The following DAPL1 variants were observed in gnomAD, a reference collection of about 807,000 sequenced individuals.
DAPL1 encodes the protein death associated protein like 1.
Under a neutral mutation model 12.9 loss-of-function variants are expected in DAPL1, and 17 were observed. The ratio of observed to expected loss-of-function variants is 1.32; its 90% confidence interval spans 0.90 to 1.98. The LOEUF (loss-of-function observed/expected upper bound fraction) is 1.98. DAPL1 is among the 30% of genes most tolerant of loss of function. The probability of loss-of-function intolerance (pLI) is 0.00; values close to 1 mark genes in which losing one functional copy is unlikely to be tolerated. For synonymous variants in DAPL1, 51 were observed against 42.0 expected (o/e 1.21, Z -0.82); for missense variants, 157 against 125.7 (o/e 1.25, Z -1.19).
At chr2:158,807,799 CA>C (rs2059210215) in intron 3 of DAPL1, 2 of 152,382 alleles carry the variant, frequency 1.3e-5, no homozygotes, top group Admixed American at 1.3e-4. Context: ...AGGCATGTAC[CA>C]CCACCCCCAG....
intron 3 of DAPL1, 107 bp from the exon 4 acceptor site, chr2:158,815,598 C>A: frequency 1.3e-6 from 1 of 774,788 alleles, no homozygotes. Context: ...AATAAATAAA[C>A]AAAATTGTGA....
At chr2:158,804,394 T>A (rs1264255051) in intron 2 of DAPL1, 25 bp downstream of exon 2, 2 of 1,546,386 alleles carry the variant, frequency 1.3e-6, no homozygotes, top group Non-Finnish European at 1.8e-6. Flanking sequence ...TTTTTCTCCA[T>A]CACCTTGAGG....
intron 3 of DAPL1, 22 bp downstream of exon 3, chr2:158,807,137 T>TA: frequency 6.3e-7 from 1 of 1,591,924 alleles, no homozygotes; most frequent in Middle Eastern, 1.7e-4. Flanking sequence ...GCAAATCACA[T>TA]AGCGCTCCAA....
chr2:158,811,311 T>C (rs1262263137), intron 3 of DAPL1, among the ~76,000 whole-genome samples: 2 of 152,216 alleles, frequency 1.3e-5, no homozygotes. Context: ...TTGAATTTCA[T>C]TGACGAGAGC....
chr2:158,804,908 C>A (rs750227937), intron 2 of DAPL1, among the ~76,000 whole-genome samples: 1 of 152,218 alleles, frequency 6.6e-6, no homozygotes, highest in African/African-American at 2.4e-5. Flanking sequence ...ATAACATTGA[C>A]GCCTGCCCTA....
chr2:158,811,501 G>C (rs979295367), intron 3 of DAPL1, among the ~76,000 whole-genome samples: 2 of 152,074 alleles, frequency 1.3e-5, no homozygotes, highest in African/African-American at 4.8e-5. Flanking sequence ...GAATTTCAGG[G>C]CTCTCTAGTC....
chr2:158,801,831 A>C (rs570947022), intron 1 of DAPL1, among the ~76,000 whole-genome samples: 13 of 152,346 alleles, frequency 8.5e-5, no homozygotes, highest in African/African-American at 3.1e-4. Context: ...GTCAAAAAGC[A>C]GTAACTGGTA....
At chr2:158,805,979 C>T (rs1329129108) in intron 2 of DAPL1, among the ~76,000 whole-genome samples, 1 of 148,010 alleles carries the variant, frequency 6.8e-6, no homozygotes, top group Non-Finnish European at 1.5e-5. Flanking sequence ...CTCCCAGGGC[C>T]TTGGGAGGAG....
chr2:158,802,738 G>C (rs1049561740), intron 1 of DAPL1, among the ~76,000 whole-genome samples: 1 of 152,130 alleles, frequency 6.6e-6, no homozygotes, highest in African/African-American at 2.4e-5. Context: ...TAATGGAATT[G>C]TTTCTAATAA....
chr2:158,799,262 A>G (rs933791773), intron 1 of DAPL1, among the ~76,000 whole-genome samples: 2 of 152,214 alleles, frequency 1.3e-5, no homozygotes, highest in Non-Finnish European at 2.9e-5. Flanking sequence ...TTTGTACTCA[A>G]CATCCTGTTA....
chr2:158,802,742 C>A (rs11684011), intron 1 of DAPL1, among the ~76,000 whole-genome samples: 6,744 of 152,270 alleles, frequency 0.044, 228 homozygotes, highest in Non-Finnish European at 0.072. Context: ...GGAATTGTTT[C>A]TAATAAACTT....
intron 1 of DAPL1, among the ~76,000 whole-genome samples, chr2:158,803,534 A>C (rs1159470565): frequency 6.6e-6 from 1 of 152,262 alleles, no homozygotes; most frequent in Non-Finnish European, 1.5e-5. Context: ...ACAGAAAAAA[A>C]GCATTTGCTT....
intron 2 of DAPL1, among the ~76,000 whole-genome samples, chr2:158,806,043 C>T (rs374034932): frequency 3.4e-5 from 5 of 148,472 alleles, no homozygotes; most frequent in African/African-American, 1.2e-4. Flanking sequence ...CATATATCCC[C>T]CTCTGCTATT....
chr2:158,804,472 C>A, intron 2 of DAPL1, 103 bp downstream of exon 2: 3 of 768,932 alleles, frequency 3.9e-6, no homozygotes, highest in Non-Finnish European at 4.0e-6. Context: ...CCTTTGGAGG[C>A]AGCCAGAGAA....
At chr2:158,810,055 A>G (rs2059222430) in intron 3 of DAPL1, among the ~76,000 whole-genome samples, 4 of 152,206 alleles carry the variant, frequency 2.6e-5, no homozygotes, top group African/African-American at 9.6e-5. Flanking sequence ...TTGTGGTTGT[A>G]GTCACAAACT....
At chr2:158,802,523 A>G (rs1005014694) in intron 1 of DAPL1, among the ~76,000 whole-genome samples, 3 of 152,246 alleles carry the variant, frequency 2.0e-5, no homozygotes, top group African/African-American at 7.2e-5. Context: ...TGCTTTCAAG[A>G]TAGTAACAGT....
intron 3 of DAPL1, among the ~76,000 whole-genome samples, chr2:158,814,289 CA>C (rs989031759): frequency 7.6e-5 from 11 of 145,420 alleles, no homozygotes; most frequent in Non-Finnish European, 9.1e-5. Flanking sequence ...ACTGACCTGA[CA>C]AAAAAAAAAG....
Position 158,815,949 on chromosome 2 carries a change from C to T in DAPL1, c.*128C>T. ...AATTAAGCAGCTTTTGTATCTTCCC[C>T]TTTGACTTTAGGTAATAAAGCATCC... On this transcript the variant is annotated 3_prime_UTR_variant, in exon 4 of 4. Coordinates refer to ENST00000309950, the MANE Select transcript of DAPL1 (RefSeq NM_001017920.3). 1 of 682,088 alleles carries T rather than the reference C, an allele frequency of 1.5e-6. No individual in the cohort carries two copies. The highest frequency in any genetic ancestry group is 2.6e-6 in the Non-Finnish European group (1 of 382,704). The allele number at this position is 682,088 out of a possible 1,614,324, so 42.3% of individuals were successfully genotyped here.
intron 1 of DAPL1, among the ~76,000 whole-genome samples, chr2:158,797,618 T>C (rs1476609339): frequency 6.6e-6 from 1 of 151,928 alleles, no homozygotes; most frequent in Non-Finnish European, 1.5e-5. Flanking sequence ...ATGGTGAAAC[T>C]CCATCTCTAT....
Sources: allele counts gnomAD v4.1 joint callset (sites outside exome capture counted in the v4.1 genomes callset), GRCh38; gene constraint gnomAD v4.1.1; transcripts MANE v1.5; gene names NCBI Gene and HGNC (gene_info 2026-07-23, HGNC 2026-07-21).